Variants in NRCAM observed in about 807,000 individuals in gnomAD.
NRCAM encodes neuronal cell adhesion molecule, also known as NgCAM-related cell adhesion molecule.
A neutral mutation model predicts 156.5 loss-of-function variants in NRCAM; 83 were observed. The ratio of observed to expected loss-of-function variants is 0.53; its 90% CI spans 0.44 to 0.64. The LOEUF is 0.64. NRCAM is among the 30% of genes least tolerant of loss of function. The pLI is 0.00. For missense variants in NRCAM, 1,417 were observed against 1,597.3 expected (o/e 0.89, Z 1.92); for synonymous variants, 538 against 563.9 (o/e 0.95, Z 0.65).
intron 3 of NRCAM, among the ~76,000 whole-genome samples, chr7:108,269,172 AAAAAAAG>A (rs1424008471): frequency 5.9e-5 from 9 of 152,084 alleles, no homozygotes; most frequent in Admixed American, 5.2e-4. Flanking sequence ...TTGAAAAAAA[AAAAAAAG>A]AAAAAAGAAA....
intron 2 of NRCAM, among the ~76,000 whole-genome samples, chr7:108,363,393 TC>T (rs1413750690): frequency 6.6e-6 from 1 of 152,074 alleles, no homozygotes; most frequent in Non-Finnish European, 1.5e-5. Context: ...CAACGGATCC[TC>T]CCACCTCAGC....
chr7:108,388,401 A>G (rs532465718), intron 2 of NRCAM, among the ~76,000 whole-genome samples: 3 of 151,856 alleles, frequency 2.0e-5, no homozygotes, highest in Non-Finnish European at 4.4e-5. Context: ...CTTTTTGATG[A>G]GGTTGTTTGA....
chr7:108,284,767 T>C (rs559892117), intron 3 of NRCAM, among the ~76,000 whole-genome samples: 2 of 152,310 alleles, frequency 1.3e-5, no homozygotes, highest in Admixed American at 1.3e-4. Flanking sequence ...AGACATACAT[T>C]AGAAACCCAC....
intron 13 of NRCAM, among the ~76,000 whole-genome samples, chr7:108,200,159 C>T (rs897186093): frequency 1.3e-4 from 20 of 152,078 alleles, no homozygotes; most frequent in African/African-American, 4.3e-4. Context: ...GTGGGGGTGT[C>T]GAGATACTTT....
intron 28 of NRCAM, among the ~76,000 whole-genome samples, chr7:108,172,060 C>T (rs1013344527): frequency 3.3e-5 from 5 of 152,142 alleles, no homozygotes; most frequent in African/African-American, 4.8e-5. Flanking sequence ...TCCTGCTTTG[C>T]CAGTTAGTTT....
chr7:108,226,311 A>G lies in NRCAM; in HGVS notation c.618T>C (p.Asn206=), dbSNP rs2093431934. The G allele has an allele frequency of 6.2e-7, 1 of 1,610,486 alleles. No individual in the cohort carries two copies. Among genetic ancestry groups the G allele is most frequent in the Non-Finnish European group, 8.5e-7 (1 of 1,176,906 alleles). ...QGLNGDLYFS[N]VLPEDTREDY... is the part of the protein sequence containing the mutation. ...CTTCGCGGGTGTCCTCTGGGAGGAC[A>G]TTGGAAAAATAAAGGTCCCCATTCA... The change falls in exon 9 of 33, where the codon AAT becomes AAC. Residue 206 remains asparagine (N), a synonymous_variant. Coordinates refer to ENST00000379028, the MANE Select transcript of NRCAM (RefSeq NM_001037132.4).
At chr7:108,409,087 C>T (rs183468581) in intron 1 of NRCAM, among the ~76,000 whole-genome samples, 9 of 152,266 alleles carry the variant, frequency 5.9e-5, no homozygotes, top group Admixed American at 5.2e-4. Context: ...GAGTCTCACA[C>T]GGCCCCAGAG....
chr7:108,153,949 T>C (rs1419428513), intron 32 of NRCAM, among the ~76,000 whole-genome samples: 1 of 152,140 alleles, frequency 6.6e-6, no homozygotes, highest in Non-Finnish European at 1.5e-5. Context: ...ATGTTCTACA[T>C]CCATGGATAG....
At chr7:108,285,800 C>T (rs756543080) in intron 3 of NRCAM, among the ~76,000 whole-genome samples, 2 of 152,200 alleles carry the variant, frequency 1.3e-5, no homozygotes, top group South Asian at 2.1e-4. Context: ...ATATCAGAAA[C>T]TCCACCATCT....
intron 3 of NRCAM, among the ~76,000 whole-genome samples, chr7:108,251,085 T>C (rs1269645): frequency 0.4 from 60,642 of 152,052 alleles, 14,467 homozygotes; most frequent in East Asian, 0.85. Flanking sequence ...CTAGAATGAC[T>C]GCCTCTCTGT....
intron 2 of NRCAM, among the ~76,000 whole-genome samples, chr7:108,383,801 G>T (rs2099717208): frequency 6.6e-6 from 1 of 152,156 alleles, no homozygotes; most frequent in South Asian, 2.1e-4. Context: ...TTTCTTCATG[G>T]TTTTATGTTG....
Position 108,223,714 on chromosome 7 carries a change from T to C in NRCAM, c.890+11A>G. The C allele has an allele frequency of 7.6e-7, 1 of 1,322,746 alleles. No homozygotes were observed. Among genetic ancestry groups the C allele is most frequent in the South Asian group, 1.2e-5 (1 of 84,406 alleles). 81.9% of individuals were successfully genotyped at this position (1,322,746 alleles called of 1,614,324 possible). ...AAGAAATGTACTTCAGGACAGAAAG[T>C]GTTAACTCACAGTCCTTCTGCAATG... On this transcript the variant is annotated intron_variant, in intron 11 of 32. Coordinates refer to ENST00000379028, the MANE Select transcript of NRCAM (RefSeq NM_001037132.4).
chr7:108,212,435 T>C (rs2085108027), intron 11 of NRCAM, among the ~76,000 whole-genome samples: 1 of 152,178 alleles, frequency 6.6e-6, no homozygotes, highest in Non-Finnish European at 1.5e-5. Flanking sequence ...GAAGGTTAGT[T>C]ATTAAGCTTA....
intron 32 of NRCAM, chr7:108,150,810 T>C (rs2041045594): frequency 2.2e-6 from 1 of 457,240 alleles, no homozygotes; most frequent in Non-Finnish European, 4.4e-6. Flanking sequence ...TTTGTTTTTT[T>C]GGTAAAAATT....
At chr7:108,184,694 G>A in intron 20 of NRCAM, 80 bp from the exon 21 acceptor site, 1 of 1,194,648 alleles carries the variant, frequency 8.4e-7, no homozygotes, top group South Asian at 1.5e-5. Context: ...TAACTAACAG[G>A]GCAACCCAAC....
At chr7:108,342,074 C>G (rs1228942864) in intron 2 of NRCAM, among the ~76,000 whole-genome samples, 1 of 152,174 alleles carries the variant, frequency 6.6e-6, no homozygotes, top group Admixed American at 6.5e-5. Context: ...GACTGTTTTA[C>G]CCCAAGGGTT....
intron 29 of NRCAM, among the ~76,000 whole-genome samples, chr7:108,167,641 C>T (rs940698280): frequency 5.9e-5 from 9 of 152,162 alleles, no homozygotes; most frequent in African/African-American, 1.9e-4. Flanking sequence ...TTGTCACAAA[C>T]ATTTATTGGC....
intron 3 of NRCAM, 59 bp downstream of exon 3, chr7:108,312,606 A>G (rs1183247763): frequency 6.6e-6 from 1 of 152,228 alleles, no homozygotes; most frequent in South Asian, 2.1e-4. Context: ...ACATTATTTA[A>G]TATTATAATT....
intron 2 of NRCAM, among the ~76,000 whole-genome samples, chr7:108,352,436 T>C (rs2099420156): frequency 6.6e-6 from 1 of 152,228 alleles, no homozygotes; most frequent in South Asian, 2.1e-4. Context: ...TGAGATTTGG[T>C]TGGCCAATAT....
Sources: allele counts gnomAD v4.1 joint callset (sites outside exome capture counted in the v4.1 genomes callset), GRCh38; gene constraint gnomAD v4.1.1; transcripts MANE v1.5; gene names NCBI Gene and HGNC (gene_info 2026-07-23, HGNC 2026-07-21).